PPP3CC: variants seen among roughly 807,000 people sequenced by gnomAD.
PPP3CC encodes protein phosphatase 3 catalytic subunit gamma.
A neutral mutation model predicts 60.3 loss-of-function variants in PPP3CC; 35 were observed. That is an observed-to-expected ratio of 0.58 (90% CI 0.44 to 0.77). PPP3CC has a LOEUF of 0.77. Among genes scored for constraint, PPP3CC ranks in the 30% least tolerant of loss-of-function variants. The pLI, the probability that PPP3CC is intolerant of heterozygous loss-of-function variation, is 0.00. For synonymous variants in PPP3CC, 206 were observed against 224.3 expected (o/e 0.92, Z 0.73); for missense variants, 570 against 628.9 (o/e 0.91, Z 1.00).
At chr8:22,538,090 A>G (rs1016179088) in intron 12 of PPP3CC, among the ~76,000 whole-genome samples, 15 of 152,194 alleles carry the variant, frequency 9.9e-5, no homozygotes, top group African/African-American at 3.6e-4. Context: ...AAAAAGGAAA[A>G]CAAAAGTTCG....
chr8:22,486,628 C>T (rs1056067946), intron 3 of PPP3CC, among the ~76,000 whole-genome samples: 6 of 152,004 alleles, frequency 3.9e-5, no homozygotes, highest in Admixed American at 6.6e-5. Flanking sequence ...ACCTGTGAAT[C>T]GCTGATCACA....
intron 4 of PPP3CC, among the ~76,000 whole-genome samples, chr8:22,510,157 T>C (rs1057113448): frequency 1.7e-5 from 2 of 117,978 alleles, no homozygotes; most frequent in African/African-American, 6.8e-5. Context: ...CACTCCAGCC[T>C]GGGGGACAGA....
At position 22,450,164 on chromosome 8, in the gene PPP3CC, C is replaced by T. The variant is rs150915342; in HGVS notation, c.49+8706C>T. On this transcript the variant is annotated intron_variant, in intron 1 of 13. Coordinates refer to ENST00000240139, the MANE Select transcript of PPP3CC (RefSeq NM_005605.5). ...GATTACAGGCGTGAGCCACCGCGCC[C>T]GGCTGTGATGACCATGTTTTAAAAA... Among the ~76,000 whole-genome samples, 151 of 152,146 alleles carry T rather than the reference C, an allele frequency of 9.9e-4. No homozygotes were observed. In the East Asian group the frequency reaches 0.022, roughly 22 times the overall value.
chr8:22,456,758 T>A (rs945038816), intron 1 of PPP3CC, among the ~76,000 whole-genome samples: 1 of 152,192 alleles, frequency 6.6e-6, no homozygotes, highest in Non-Finnish European at 1.5e-5. Context: ...CCAGTCCCCC[T>A]TCTCCACGGG....
intron 6 of PPP3CC, 65 bp from the exon 7 acceptor site, chr8:22,522,426 C>G: frequency 7.7e-7 from 1 of 1,307,166 alleles, no homozygotes; most frequent in Non-Finnish European, 1.1e-6. Flanking sequence ...TTGACTTTTC[C>G]CCATCTTCCT....
chr8:22,515,035 G>A (rs1323018619), intron 6 of PPP3CC, among the ~76,000 whole-genome samples: 2 of 152,044 alleles, frequency 1.3e-5, no homozygotes, highest in Non-Finnish European at 2.9e-5. Flanking sequence ...TCACCCTGTT[G>A]TTTAAATCTC....
chr8:22,446,869 T>TATTC (rs1836840889), intron 1 of PPP3CC, among the ~76,000 whole-genome samples: 2 of 150,272 alleles, frequency 1.3e-5, no homozygotes, highest in South Asian at 4.2e-4. Context: ...GAGACAAAAT[T>TATTC]ATTCATTTAA....
intron 8 of PPP3CC, 116 bp downstream of exon 8, chr8:22,522,865 A>T: frequency 1.3e-6 from 1 of 766,038 alleles, no homozygotes; most frequent in Non-Finnish European, 2.0e-6. Context: ...TAAATAAGAA[A>T]AAAAGGGGTC....
chr8:22,464,437 T>C (rs1371267060), intron 1 of PPP3CC, among the ~76,000 whole-genome samples: 1 of 152,210 alleles, frequency 6.6e-6, no homozygotes, highest in Non-Finnish European at 1.5e-5. Context: ...TGGAGTGCAG[T>C]GGCTGGATCA....
In PPP3CC at chr8:22,540,642, A is replaced by G. The variant is rs117993834; in HGVS notation, c.1379A>G (p.Lys460Arg). Residue 460 changes from lysine to arginine, a missense_variant, in exon 14 of 14, where the codon AAG becomes AGG. Physicochemically the swap from Lys to Arg is conservative, Grantham distance 26 (BLOSUM62 2). Transcript: ENST00000240139. ...ATCAGAGGGTTCTCGCTTCAGCACAAGATCCGGAGTTTTGAAGAAGCGCGA... is the reference window on the plus strand; with the variant it reads ...ATCAGAGGGTTCTCGCTTCAGCACAGGATCCGGAGTTTTGAAGAAGCGCGA... ...EAIRGFSLQH[K>R]IRSFEEARGL... The G allele has an allele frequency of 8.3e-3, 13,434 of 1,613,780 alleles. 71 individuals are homozygous for G. The highest frequency in any genetic ancestry group is 0.01 in the Non-Finnish European group (12,204 of 1,179,896).
In PPP3CC at chr8:22,539,325, TC is replaced by T. The variant is rs1189928344; in HGVS notation, c.1322-143del. 5.7e-5 allele frequency: 38 copies of T among 670,496 alleles called. No individual in the cohort carries two copies. In the African/African-American group the frequency reaches 6.7e-4, roughly 12 times the overall value. The allele number at this position is 670,496 out of a possible 1,614,324, so 41.5% of individuals were successfully genotyped here. On this transcript the variant is annotated intron_variant, in intron 12 of 13. Coordinates refer to ENST00000240139, the MANE Select transcript of PPP3CC (RefSeq NM_005605.5). ...AGTCTCTCGCAATAATCTTCTCGCT[TC>T]TCTAACTAGTTGACTTTCATTATGG...
intron 9 of PPP3CC, among the ~76,000 whole-genome samples, chr8:22,528,193 A>C (rs1263229348): frequency 6.6e-6 from 1 of 152,214 alleles, no homozygotes; most frequent in Non-Finnish European, 1.5e-5. Flanking sequence ...AACTTTGTAA[A>C]GTGGGAAAAA....
At chr8:22,453,279 A>G (rs188119861) in intron 1 of PPP3CC, among the ~76,000 whole-genome samples, 1 of 152,312 alleles carries the variant, frequency 6.6e-6, no homozygotes, top group East Asian at 1.9e-4. Context: ...TTGACAGTAG[A>G]TCTATTTTAC....
At chr8:22,445,450 TCATATTCCTTCC>T (rs1836793464) in intron 1 of PPP3CC, among the ~76,000 whole-genome samples, 1 of 152,190 alleles carries the variant, frequency 6.6e-6, no homozygotes, top group Non-Finnish European at 1.5e-5. Context: ...AAGAAAGACT[TCATATTCCTTCC>T]CAGCAGAAAT....
At chr8:22,487,519 G>A (rs1455065551) in intron 3 of PPP3CC, among the ~76,000 whole-genome samples, 1 of 152,144 alleles carries the variant, frequency 6.6e-6, no homozygotes, top group Non-Finnish European at 1.5e-5. Flanking sequence ...CAGCCACTCA[G>A]GAGGCTGAGG....
Position 22,540,816 on chromosome 8 carries a change from C to A in PPP3CC, c.*14C>A. 1 of 1,586,916 alleles carries A rather than the reference C, an allele frequency of 6.3e-7. No individual in the cohort carries two copies. ...GCCCATTCATGACTTAGAGTCCTGC[C>A]GTGGCTCAGGTGGATCTAAAACTCA... On this transcript the variant is annotated 3_prime_UTR_variant, in exon 14 of 14. Coordinates refer to ENST00000240139, the MANE Select transcript of PPP3CC (RefSeq NM_005605.5).
At chr8:22,525,030 A>G (rs915373127) in intron 8 of PPP3CC, among the ~76,000 whole-genome samples, 7 of 152,204 alleles carry the variant, frequency 4.6e-5, no homozygotes, top group South Asian at 2.1e-4. Flanking sequence ...GCATGCCTAT[A>G]GTCCTAGCTA....
chr8:22,443,952 A>T (rs1340408156), intron 1 of PPP3CC, among the ~76,000 whole-genome samples: 1 of 152,210 alleles, frequency 6.6e-6, no homozygotes, highest in Non-Finnish European at 1.5e-5. Flanking sequence ...CAGAGGTGAT[A>T]CCACACCCCA....
intron 9 of PPP3CC, 118 bp downstream of exon 9, chr8:22,527,635 A>ATTTT: frequency 6.5e-6 from 6 of 928,804 alleles, no homozygotes; most frequent in African/African-American, 1.8e-5. Flanking sequence ...CTCTACATAG[A>ATTTT]TTTTTTTTTT....
Sources: allele counts gnomAD v4.1 joint callset (sites outside exome capture counted in the v4.1 genomes callset), GRCh38; gene constraint gnomAD v4.1.1; transcripts MANE v1.5; gene names NCBI Gene and HGNC (gene_info 2026-07-23, HGNC 2026-07-21).